TACC2: variants seen among roughly 807,000 people sequenced by gnomAD.
TACC2 encodes transforming acidic coiled-coil containing protein 2.
A neutral mutation model predicts 227.3 loss-of-function variants in TACC2; 137 were observed. That is an observed-to-expected ratio of 0.60 (90% CI 0.52 to 0.69). TACC2 has a LOEUF of 0.69. Ranked by LOEUF, TACC2 falls within the 30% of genes least tolerant of loss-of-function variation. TACC2 has a pLI of 0.00. For missense variants in TACC2, 3,470 were observed against 3,694.4 expected (o/e 0.94, Z 1.57); for synonymous variants, 1,523 against 1,487.5 (o/e 1.02, Z -0.55).
intron 2 of TACC2, among the ~76,000 whole-genome samples, chr10:122,041,975 T>C (rs2074334678): frequency 6.6e-6 from 1 of 151,190 alleles, no homozygotes; most frequent in Admixed American, 6.6e-5. Flanking sequence ...AGACGGAGTC[T>C]CGCTCTGTCA....
chr10:121,991,038 A>G (rs1953008381), intron 1 of TACC2, among the ~76,000 whole-genome samples: 1 of 152,158 alleles, frequency 6.6e-6, no homozygotes. Context: ...CACCTGTCTC[A>G]GCCTCCCAAA....
chr10:122,248,833 G>C, intron 20 of TACC2, 30 bp downstream of exon 20: 1 of 1,613,524 alleles, frequency 6.2e-7, no homozygotes, highest in East Asian at 2.2e-5. Context: ...CCACGGAGGA[G>C]GAGGATCTGA....
Position 122,087,088 on chromosome 10 carries a change from A to G in TACC2, c.4588A>G (p.Arg1530Gly), listed in dbSNP as rs995555590. 19 of 1,611,396 alleles carry G rather than the reference A, an allele frequency of 1.2e-5. No individual in the cohort carries two copies. The highest frequency in any genetic ancestry group is 1.7e-4 in the Middle Eastern group (1 of 6,060). ...GVPPTLREDE[R>G]PEGPGAAWPG... ...CCCACCCACACTGAGGGAAGACGAGAGGCCAGAGGGGCCTGGGGCAGCCTG... is the reference window on the plus strand; with the variant it reads ...CCCACCCACACTGAGGGAAGACGAGGGGCCAGAGGGGCCTGGGGCAGCCTG... The change falls in exon 4 of 23, where the codon AGG (arginine) becomes GGG (glycine). Residue 1530 changes from arginine to glycine, a missense_variant. Transcript: ENST00000369005.
intron 5 of TACC2, among the ~76,000 whole-genome samples, chr10:122,123,095 C>T (rs918276367): frequency 1.3e-5 from 2 of 152,126 alleles, no homozygotes; most frequent in Admixed American, 1.3e-4. Context: ...CCCTACTTCC[C>T]AGGTTCAAGT....
intron 7 of TACC2, among the ~76,000 whole-genome samples, chr10:122,153,389 G>A (rs2092244431): frequency 6.6e-6 from 1 of 152,348 alleles, no homozygotes; most frequent in African/African-American, 2.4e-5. Context: ...GCCCAGCAAA[G>A]TCAGAACACT....
intron 5 of TACC2, among the ~76,000 whole-genome samples, chr10:122,103,250 G>A (rs983387016): frequency 2.6e-5 from 4 of 152,158 alleles, no homozygotes; most frequent in African/African-American, 9.7e-5. Flanking sequence ...CAGTTTAGCT[G>A]TGGTCACTGT....
intron 7 of TACC2, among the ~76,000 whole-genome samples, chr10:122,178,451 G>T (rs1055949871): frequency 2.0e-5 from 3 of 152,026 alleles, no homozygotes; most frequent in Non-Finnish European, 4.4e-5. Context: ...TGGTCAGGCT[G>T]CTCTCAAACT....
intron 2 of TACC2, among the ~76,000 whole-genome samples, chr10:122,042,956 T>C (rs1207611276): frequency 6.6e-6 from 1 of 152,238 alleles, no homozygotes; most frequent in Non-Finnish European, 1.5e-5. Context: ...CATCCTGACA[T>C]GCCCAGCTCT....
chr10:122,164,740 C>G (rs770897381), intron 7 of TACC2, among the ~76,000 whole-genome samples: 7 of 152,162 alleles, frequency 4.6e-5, no homozygotes, highest in Non-Finnish European at 1.0e-4. Flanking sequence ...CCGGCCGGGT[C>G]GCATTTCAGC....
chr10:122,060,787 C>T (rs922788787), intron 3 of TACC2, among the ~76,000 whole-genome samples: 4 of 149,424 alleles, frequency 2.7e-5, no homozygotes, highest in Non-Finnish European at 5.9e-5. Context: ...GGCGGATCAC[C>T]TGAGGTCAGG....
At position 122,085,066 on chromosome 10, in the gene TACC2, A is replaced by G; in HGVS notation, c.2566A>G (p.Lys856Glu). ...KEQAQPPENG[K>E]ETSPSHPGFK... ...GCAGGCCCAGCCACCTGAAAATGGG[A>G]AAGAGACTTCTCCAAGCCATCCAGG... Residue 856 changes from lysine (K) to glutamate (E), a missense_variant, in exon 4 of 23, where the codon AAA becomes GAA. Transcript: ENST00000369005. 1 of 1,614,164 alleles carries G rather than the reference A, an allele frequency of 6.2e-7. No individual in the cohort carries two copies. The highest frequency in any genetic ancestry group is 1.3e-5 in the African/African-American group (1 of 75,048).
chr10:122,128,583 AT>A (rs2087344054), intron 5 of TACC2, among the ~76,000 whole-genome samples: 1 of 152,222 alleles, frequency 6.6e-6, no homozygotes, highest in Admixed American at 6.5e-5. Flanking sequence ...AGTGGAAAAT[AT>A]GAGTACAGAA....
At chr10:122,069,103 G>A (rs1215854772) in intron 3 of TACC2, among the ~76,000 whole-genome samples, 9 of 114,862 alleles carry the variant, frequency 7.8e-5, no homozygotes, top group Admixed American at 9.2e-5. Context: ...CAGCTGCCTC[G>A]GTCTCCCCAG....
intron 5 of TACC2, among the ~76,000 whole-genome samples, chr10:122,100,685 C>T (rs572841981): frequency 2.3e-4 from 35 of 152,294 alleles, no homozygotes; most frequent in African/African-American, 7.7e-4. Context: ...CTCAGCCTCC[C>T]AAAGTGCTGG....
intron 3 of TACC2, among the ~76,000 whole-genome samples, chr10:122,062,089 G>T (rs1391939190): frequency 7.8e-6 from 1 of 127,864 alleles, no homozygotes; most frequent in Non-Finnish European, 1.6e-5. Flanking sequence ...CTGGAGTGCA[G>T]TGGCACCATC....
At chr10:122,190,450 T>C (rs2094369300) in intron 7 of TACC2, among the ~76,000 whole-genome samples, 1 of 152,284 alleles carries the variant, frequency 6.6e-6, no homozygotes, top group Admixed American at 6.5e-5. Flanking sequence ...TAAGCCGAAC[T>C]AGTACACAGT....
At chr10:122,252,851 C>G (rs1416749388) in intron 22 of TACC2, among the ~76,000 whole-genome samples, 1 of 152,182 alleles carries the variant, frequency 6.6e-6, no homozygotes, top group African/African-American at 2.4e-5. Context: ...GCCCCATCGT[C>G]CAGCTGGCAT....
At position 122,087,057 on chromosome 10, in the gene TACC2, A is replaced by C. The variant is rs1355196565; in HGVS notation, c.4557A>C (p.Ala1519=). The stretch of plus-strand genomic sequence containing the variant: ...GTGCCGGTGTGGGGAAGGAGATGGC[A>C]GGTGTCCCACCCACACTGAGGGAAG... ...LPGAGVGKEM[A]GVPPTLREDE... is the part of the protein sequence containing the mutation. The change falls in exon 4 of 23, where the codon GCA becomes GCC. Residue 1519 remains alanine, a synonymous_variant. Transcript: ENST00000369005. The C allele has an allele frequency of 1.2e-6, 2 of 1,613,512 alleles. No homozygotes were observed. The highest frequency in any genetic ancestry group is 2.2e-5 in the South Asian group (2 of 91,062).
intron 3 of TACC2, among the ~76,000 whole-genome samples, chr10:122,078,512 A>G (rs1450972496): frequency 6.6e-6 from 1 of 152,176 alleles, no homozygotes; most frequent in African/African-American, 2.4e-5. Flanking sequence ...TGTGCTGTGT[A>G]CATCTGGTCT....
Sources: allele counts gnomAD v4.1 joint callset (sites outside exome capture counted in the v4.1 genomes callset), GRCh38; gene constraint gnomAD v4.1.1; transcripts MANE v1.5; gene names NCBI Gene and HGNC (gene_info 2026-07-23, HGNC 2026-07-21).